The following KIAA0825 variants were observed in gnomAD, a reference collection of about 807,000 sequenced individuals.
The protein encoded by KIAA0825 is KIAA0825.
KIAA0825 carries 119 observed loss-of-function variants against 147.6 expected under a neutral mutation model. The ratio of observed to expected loss-of-function variants is 0.81; its 90% CI spans 0.69 to 0.94. The LOEUF (loss-of-function observed/expected upper bound fraction) is 0.94, where lower values mean the gene tolerates loss of function less well. Among genes scored for constraint, KIAA0825 ranks in the 40% least tolerant of loss-of-function variants. KIAA0825 has a pLI of 0.00. For synonymous variants in KIAA0825, 470 were observed against 518.1 expected (o/e 0.91, Z 1.26); for missense variants, 1,381 against 1,472.7 (o/e 0.94, Z 1.02).
chr5:94,213,829 G>A (rs1425033508), intron 20 of KIAA0825, among the ~76,000 whole-genome samples: 1 of 152,006 alleles, frequency 6.6e-6, no homozygotes, highest in South Asian at 2.1e-4. Flanking sequence ...AATCTGCATG[G>A]AGTGCCCTTT....
chr5:94,557,951 T>A (rs137940045), intron 2 of KIAA0825, among the ~76,000 whole-genome samples: 2 of 152,188 alleles, frequency 1.3e-5, no homozygotes, highest in Non-Finnish European at 2.9e-5. Flanking sequence ...TCCCTCTGGA[T>A]CTGGCAGGGT....
At chr5:94,154,811 C>T (rs755247053) in intron 20 of KIAA0825, among the ~76,000 whole-genome samples, 28 of 152,100 alleles carry the variant, frequency 1.8e-4, no homozygotes, top group Non-Finnish European at 3.5e-4. Context: ...CACAATAACC[C>T]GAGCACACTT....
rs148165472 is a variant in KIAA0825, at chr5:94,187,655, G to C, written c.3711-33531C>G. 3.3e-3 allele frequency among the ~76,000 whole-genome samples: 504 copies of C among 152,052 alleles called. 3 individuals are homozygous for C. Among genetic ancestry groups the C allele is most frequent in the African/African-American group, 0.012 (486 of 41,478 alleles). On this transcript the variant is annotated intron_variant, in intron 20 of 20. Coordinates refer to ENST00000682413, the MANE Select transcript of KIAA0825 (RefSeq NM_001145678.3). Reference sequence around the variant, plus strand: ...TTAGCCAGGATGGTCTTGATCTCCTGACCTCGCGATCCGCCCACCTCGGCC... The same window carrying C: ...TTAGCCAGGATGGTCTTGATCTCCTCACCTCGCGATCCGCCCACCTCGGCC...
At position 94,152,903 on chromosome 5, in the gene KIAA0825, T is replaced by TA. The variant is rs1386044229; in HGVS notation, c.*1103_*1104insT. 1 of 20,212 alleles carries TA rather than the reference T, an allele frequency of 4.9e-5. No homozygotes were observed. The highest frequency in any genetic ancestry group is 9.3e-5 in the Non-Finnish European group (1 of 10,780). 1.3% of individuals were successfully genotyped at this position (20,212 alleles called of 1,614,324 possible). A position where few individuals can be genotyped will look rare whatever the true frequency, so the allele number is the denominator to read the frequency against. Reference sequence around the variant, plus strand: ...ATATATATATATATATATATATATATGGTTTCTCCCAGACGTTCTTAGACT... The same window carrying TA: ...ATATATATATATATATATATATATATAGGTTTCTCCCAGACGTTCTTAGACT... On this transcript the variant is annotated 3_prime_UTR_variant, in exon 21 of 21. Coordinates refer to ENST00000682413, the MANE Select transcript of KIAA0825 (RefSeq NM_001145678.3).
intron 20 of KIAA0825, among the ~76,000 whole-genome samples, chr5:94,331,833 A>C (rs573770285): frequency 6.6e-6 from 1 of 152,278 alleles, no homozygotes; most frequent in African/African-American, 2.4e-5. Flanking sequence ...ATTCATTAAA[A>C]ACAATAAACA....
At chr5:94,191,745 C>T (rs1770694445) in intron 20 of KIAA0825, among the ~76,000 whole-genome samples, 1 of 152,194 alleles carries the variant, frequency 6.6e-6, no homozygotes, top group South Asian at 2.1e-4. Flanking sequence ...GCCTTCTGTA[C>T]CCCAGATGCC....
chr5:94,368,567 G>C (rs1746202341), intron 20 of KIAA0825, among the ~76,000 whole-genome samples: 1 of 152,304 alleles, frequency 6.6e-6, no homozygotes, highest in East Asian at 1.9e-4. Context: ...ATTCCAGCTG[G>C]AGTAAAACAG....
At chr5:94,425,148 C>A (rs1319088459) in intron 14 of KIAA0825, among the ~76,000 whole-genome samples, 1 of 152,048 alleles carries the variant, frequency 6.6e-6, no homozygotes, top group Non-Finnish European at 1.5e-5. Flanking sequence ...CCAGCATTAC[C>A]CTGATACCAA....
intron 9 of KIAA0825, 79 bp from the exon 10 acceptor site, chr5:94,470,190 GGTT>G: frequency 1.0e-6 from 1 of 994,452 alleles, no homozygotes; most frequent in Non-Finnish European, 1.4e-6. Flanking sequence ...TACTACAAAT[GGTT>G]TTGATTATTA....
chr5:94,166,434 ATTTC>A (rs1002954043), intron 20 of KIAA0825, among the ~76,000 whole-genome samples: 14 of 146,346 alleles, frequency 9.6e-5, no homozygotes, highest in African/African-American at 3.0e-4. Flanking sequence ...TAATTCAGGT[ATTTC>A]TTCCTTGCCT....
At chr5:94,429,850 T>C (rs949095638) in intron 14 of KIAA0825, among the ~76,000 whole-genome samples, 3 of 152,292 alleles carry the variant, frequency 2.0e-5, no homozygotes, top group Admixed American at 2.0e-4. Flanking sequence ...TACACAGGTA[T>C]GGGGATGGCC....
chr5:94,369,353 T>A (rs1192297853), intron 20 of KIAA0825, among the ~76,000 whole-genome samples: 1 of 152,156 alleles, frequency 6.6e-6, no homozygotes, highest in Non-Finnish European at 1.5e-5. Context: ...ATAGAATTTT[T>A]AAAAAATAGA....
At position 94,541,099 on chromosome 5, in the gene KIAA0825, C is replaced by T. The variant is rs758969329; in HGVS notation, c.-1-3972G>A. Among the ~76,000 whole-genome samples the T allele has an allele frequency of 5.7e-4, 87 of 152,284 alleles. 1 individual carries two copies. The highest frequency in any genetic ancestry group is 1.7e-3 in the African/African-American group (70 of 41,564). On this transcript the variant is annotated intron_variant, in intron 2 of 20. Coordinates refer to ENST00000682413, the MANE Select transcript of KIAA0825 (RefSeq NM_001145678.3). ...AAAGGGAATTTATGCAAGAAATGTA[C>T]AATTTAAAGGTGATTAGGCCTCCTA... is the stretch of plus-strand genomic sequence containing the variant.
intron 5 of KIAA0825, among the ~76,000 whole-genome samples, chr5:94,497,214 G>C (rs373532850): frequency 6.6e-6 from 1 of 152,094 alleles, no homozygotes; most frequent in Non-Finnish European, 1.5e-5. Flanking sequence ...ATCAAATGAA[G>C]AACAAAGTAT....
intron 20 of KIAA0825, among the ~76,000 whole-genome samples, chr5:94,188,296 C>G (rs1770345007): frequency 6.6e-6 from 1 of 152,176 alleles, no homozygotes; most frequent in South Asian, 2.1e-4. Flanking sequence ...AGTGTTGATA[C>G]TTTGAGGCAT....
chr5:94,159,627 T>A (rs752919130), intron 20 of KIAA0825, among the ~76,000 whole-genome samples: 2 of 152,092 alleles, frequency 1.3e-5, no homozygotes, highest in Non-Finnish European at 2.9e-5. Flanking sequence ...ATGTATATGA[T>A]CGTGTTGTCA....
chr5:94,278,770 GATA>G (rs1777333524), intron 20 of KIAA0825, among the ~76,000 whole-genome samples: 1 of 152,040 alleles, frequency 6.6e-6, no homozygotes, highest in Non-Finnish European at 1.5e-5. Flanking sequence ...ACCTTTTTCA[GATA>G]TGGGAAGTTC....
chr5:94,215,505 A>G (rs1773114040), intron 20 of KIAA0825, among the ~76,000 whole-genome samples: 1 of 152,186 alleles, frequency 6.6e-6, no homozygotes, highest in African/African-American at 2.4e-5. Flanking sequence ...TTGACAAACA[A>G]TGTAGAAATA....
At chr5:94,331,142 AAAAG>A (rs527365953) in intron 20 of KIAA0825, among the ~76,000 whole-genome samples, 36 of 152,054 alleles carry the variant, frequency 2.4e-4, no homozygotes, top group East Asian at 7.7e-4. Context: ...CTCAAAAAAA[AAAAG>A]AAAGAAAGAG....
Sources: allele counts gnomAD v4.1 joint callset (sites outside exome capture counted in the v4.1 genomes callset), GRCh38; gene constraint gnomAD v4.1.1; transcripts MANE v1.5; gene names NCBI Gene and HGNC (gene_info 2026-07-23, HGNC 2026-07-21).